NXPE1: variants seen among roughly 807,000 people sequenced by gnomAD.
The protein encoded by NXPE1 is NXPE family member 1.
A neutral mutation model predicts 33.3 loss-of-function variants in NXPE1; 31 were observed. The observed-to-expected ratio is 0.93, with a 90% CI of 0.70 to 1.26. The LOEUF (loss-of-function observed/expected upper bound fraction) is 1.26. Ranked by LOEUF, NXPE1 falls within the 50% of genes most tolerant of loss-of-function variation. NXPE1 has a pLI of 0.00. For missense variants in NXPE1, 661 were observed against 655.6 expected (o/e 1.01, Z -0.09); for synonymous variants, 229 against 231.4 (o/e 0.99, Z 0.09).
At chr11:114,539,798 C>T (rs1948015026) in intron 5 of NXPE1, among the ~76,000 whole-genome samples, 1 of 151,648 alleles carries the variant, frequency 6.6e-6, no homozygotes. Flanking sequence ...AAGTAGATAC[C>T]TTAGAAGCAG....
intron 6 of NXPE1, chr11:114,529,921 A>C: frequency 2.3e-6 from 1 of 435,616 alleles, no homozygotes; most frequent in Non-Finnish European, 4.0e-6. Flanking sequence ...TTATCAAGGA[A>C]TCTTTTTTTC....
At chr11:114,543,119 G>T (rs1467915906) in intron 5 of NXPE1, among the ~76,000 whole-genome samples, 2 of 152,214 alleles carry the variant, frequency 1.3e-5, no homozygotes, top group African/African-American at 2.4e-5. Context: ...ACTTTGGGAG[G>T]CTGAGGCAGG....
At chr11:114,530,894 T>C in exon 6 of NXPE1, 1 of 1,609,356 alleles carries the variant, frequency 6.2e-7, no homozygotes, top group Non-Finnish European at 8.5e-7. Flanking sequence ...TGGATAAGTT[T>C]AGAGCAGACC....
At chr11:114,546,148 T>G (rs982535735) in intron 5 of NXPE1, among the ~76,000 whole-genome samples, 5 of 152,206 alleles carry the variant, frequency 3.3e-5, no homozygotes, top group Admixed American at 3.3e-4. Flanking sequence ...GCTTTGGAAA[T>G]TAATAGAGTC....
chr11:114,527,859 A>C lies in NXPE1; in HGVS notation c.876T>G (p.Ile292Met). The C allele has an allele frequency of 6.2e-7, 1 of 1,607,766 alleles. No individual in the cohort carries two copies. The highest frequency in any genetic ancestry group is 8.5e-7 in the Non-Finnish European group (1 of 1,177,396). ...ACTTACTGTTACAATTAGTGACATC[A>C]ATGTGTTTACGATCCTTCATCATTT... Residue 292 changes from isoleucine (I) to methionine (M), a missense_variant, in exon 7 of 9, where the codon ATT becomes ATG. Transcript: ENST00000534921.
chr11:114,525,742 G>T (rs1008300745), intron 7 of NXPE1, among the ~76,000 whole-genome samples: 9 of 152,158 alleles, frequency 5.9e-5, no homozygotes, highest in Admixed American at 3.3e-4. Flanking sequence ...AAGCTTGCTT[G>T]CCCGCCCTGT....
chr11:114,539,265 A>AC (rs1947987257), intron 5 of NXPE1, among the ~76,000 whole-genome samples: 1 of 133,444 alleles, frequency 7.5e-6, no homozygotes, highest in Non-Finnish European at 1.6e-5. Flanking sequence ...GGGGAACATC[A>AC]CACACTGGGG....
At chr11:114,527,404 G>A (rs552929663) in intron 7 of NXPE1, among the ~76,000 whole-genome samples, 2 of 152,210 alleles carry the variant, frequency 1.3e-5, no homozygotes, top group South Asian at 4.1e-4. Flanking sequence ...TAAGTAACAG[G>A]GCTTTGTGTT....
chr11:114,552,006 G>C (rs543919634), exon 3 of NXPE1: 1 of 152,308 alleles, frequency 6.6e-6, no homozygotes, highest in African/African-American at 2.4e-5. Flanking sequence ...TTGTGTGAAA[G>C]GTTTTGTGTG....
At chr11:114,546,840 A>G (rs1470108123) in intron 5 of NXPE1, among the ~76,000 whole-genome samples, 2 of 152,216 alleles carry the variant, frequency 1.3e-5, no homozygotes, top group African/African-American at 4.8e-5. Context: ...ACAAAGGAAC[A>G]CAGGAACCAA....
At chr11:114,527,942 G>T in intron 6 of NXPE1, 41 bp from the exon 7 acceptor site, 1 of 1,480,854 alleles carries the variant, frequency 6.8e-7, no homozygotes, top group Non-Finnish European at 9.3e-7. Flanking sequence ...CCTGCTCTCT[G>T]CCCATGTAAC....
At chr11:114,530,967 A>C in intron 5 of NXPE1, 59 bp from the exon 6 acceptor site, 7 of 1,458,722 alleles carry the variant, frequency 4.8e-6, no homozygotes, top group East Asian at 2.3e-5. Flanking sequence ...ATTTTTACTT[A>C]TTATGAGTTT....
chr11:114,556,470 T>A (rs1446778123), intron 1 of NXPE1, among the ~76,000 whole-genome samples: 1 of 152,014 alleles, frequency 6.6e-6, no homozygotes, highest in Non-Finnish European at 1.5e-5. Context: ...ATTTCCCTGG[T>A]CAATTGCCTT....
At position 114,528,123 on chromosome 11, in the gene NXPE1, C is replaced by G. The variant is rs546068184; in HGVS notation, c.834-222G>C. Among the ~76,000 whole-genome samples the G allele has an allele frequency of 1.9e-4, 29 of 152,284 alleles. No individual in the cohort carries two copies. In the East Asian group the frequency reaches 5.0e-3, roughly 26 times the overall value. ...TGAAGTCCAAAGCAGCTCTACCGAT[C>G]TGCCACATGTAATCAGTGTGTCCTG... On this transcript the variant is annotated intron_variant, in intron 6 of 8. Coordinates refer to ENST00000534921, the Ensembl canonical transcript of NXPE1.
At chr11:114,523,048 A>G (rs756618760) in exon 8 of NXPE1, 1 of 1,613,778 alleles carries the variant, frequency 6.2e-7, no homozygotes, top group Admixed American at 1.7e-5. Flanking sequence ...CAGGGACAGG[A>G]GGCTTCATTC....
chr11:114,553,855 T>A (rs943400954), intron 1 of NXPE1: 1 of 950,428 alleles, frequency 1.1e-6, no homozygotes, highest in Admixed American at 6.2e-5. Flanking sequence ...ATCATCTTGG[T>A]AGCTTGAAAT....
chr11:114,525,673 C>T (rs1047404174), intron 7 of NXPE1, among the ~76,000 whole-genome samples: 1 of 152,220 alleles, frequency 6.6e-6, no homozygotes, highest in African/African-American at 2.4e-5. Flanking sequence ...AGTTGCAACA[C>T]CTGGCTTGAG....
downstream of NXPE1, among the ~76,000 whole-genome samples, chr11:114,520,277 C>G (rs1159399274): frequency 6.6e-6 from 1 of 152,148 alleles, no homozygotes; most frequent in Non-Finnish European, 1.5e-5. Flanking sequence ...TTCCTCCCAG[C>G]CTGGATAACT....
intron 2 of NXPE1, among the ~76,000 whole-genome samples, chr11:114,552,568 A>G (rs1023919830): frequency 6.6e-6 from 1 of 151,878 alleles, no homozygotes; most frequent in African/African-American, 2.4e-5. Flanking sequence ...TACAAAAAGC[A>G]TGTTCAATAG....
Sources: allele counts gnomAD v4.1 joint callset (sites outside exome capture counted in the v4.1 genomes callset), GRCh38; gene constraint gnomAD v4.1.1; transcripts MANE v1.5; gene names NCBI Gene and HGNC (gene_info 2026-07-23, HGNC 2026-07-21).